The following ATP10B variants were observed in gnomAD, a reference collection of about 807,000 sequenced individuals.
The protein encoded by ATP10B is ATPase phospholipid transporting 10B (putative).
Under a neutral mutation model 141.2 loss-of-function variants are expected in ATP10B, and 122 were observed. The observed-to-expected ratio is 0.86, with a 90% CI of 0.75 to 1.00. The LOEUF (loss-of-function observed/expected upper bound fraction) is 1.00, where lower values mean the gene tolerates loss of function less well. Ranked by LOEUF, ATP10B falls within the 50% of genes least tolerant of loss-of-function variation. The pLI is 0.00. For synonymous variants in ATP10B, 685 were observed against 692.0 expected (o/e 0.99, Z 0.16); for missense variants, 1,876 against 1,825.3 (o/e 1.03, Z -0.51).
At chr5:160,758,459 T>G (rs1768795377) in intron 2 of ATP10B, among the ~76,000 whole-genome samples, 1 of 152,184 alleles carries the variant, frequency 6.6e-6, no homozygotes, top group Non-Finnish European at 1.5e-5. Context: ...TCAGAAGGCT[T>G]TCATCTCTGT....
the ATP10B span, among the ~76,000 whole-genome samples, chr5:160,898,695 C>T: frequency 3.3e-5 from 5 of 152,094 alleles, no homozygotes; most frequent in East Asian, 3.9e-4. Flanking sequence ...CACATGCACA[C>T]GTATATTTAT....
chr5:160,843,221 A>C (rs1775913879), intron 1 of ATP10B, among the ~76,000 whole-genome samples: 1 of 152,148 alleles, frequency 6.6e-6, no homozygotes, highest in South Asian at 2.1e-4. Context: ...TAAGTCATAT[A>C]ATCACTTCAA....
intron 1 of ATP10B, among the ~76,000 whole-genome samples, chr5:160,834,035 A>C (rs959921756): frequency 1.3e-5 from 2 of 152,034 alleles, no homozygotes; most frequent in Non-Finnish European, 1.5e-5. Flanking sequence ...TTAAAATCAT[A>C]ACCAAAAGGC....
chr5:160,873,826 C>T, the ATP10B span, among the ~76,000 whole-genome samples: 4 of 152,218 alleles, frequency 2.6e-5, no homozygotes, highest in African/African-American at 7.2e-5. Flanking sequence ...GCTTTTCAGA[C>T]CTGCTTAAAA....
At chr5:160,913,135 GATGA>G in the ATP10B span, among the ~76,000 whole-genome samples, 2 of 152,212 alleles carry the variant, frequency 1.3e-5, no homozygotes, top group Non-Finnish European at 2.9e-5. Flanking sequence ...TAGCTAAACA[GATGA>G]AAGAGCTCTT....
chr5:160,802,956 G>A (rs1772488917), intron 1 of ATP10B, among the ~76,000 whole-genome samples: 1 of 152,132 alleles, frequency 6.6e-6, no homozygotes, highest in Non-Finnish European at 1.5e-5. Context: ...GACAACATAA[G>A]GTTGTCAGCT....
intron 1 of ATP10B, among the ~76,000 whole-genome samples, chr5:160,815,145 T>C (rs1275489267): frequency 6.6e-6 from 1 of 152,148 alleles, no homozygotes; most frequent in African/African-American, 2.4e-5. Flanking sequence ...ATATTAACCT[T>C]AAATGTAAAT....
At chr5:160,746,802 C>G (rs1224824710) in intron 2 of ATP10B, among the ~76,000 whole-genome samples, 1 of 152,176 alleles carries the variant, frequency 6.6e-6, no homozygotes, top group East Asian at 1.9e-4. Context: ...TTACCATACT[C>G]TATTGGATGA....
Position 160,632,137 on chromosome 5 carries a change from T to TGCTGAAGGCC in ATP10B, c.1602_1611dup (p.Ser538GlyfsTer14). On this transcript the variant is annotated frameshift_variant, in exon 13 of 26. Transcript: ENST00000327245. LOFTEE classifies it high-confidence loss of function. Reference sequence around the variant, plus strand: ...CAAAAGTCAGGACTTACTATGGAGCTGCTGAAGGCCACAGGAGGCTGTGAG... The same window carrying TGCTGAAGGCC: ...CAAAAGTCAGGACTTACTATGGAGCTGCTGAAGGCCGCTGAAGGCCACAGGAGGCTGTGAG... The TGCTGAAGGCC allele has an allele frequency of 3.1e-6, 5 of 1,611,948 alleles. No homozygotes were observed. Among genetic ancestry groups the TGCTGAAGGCC allele is most frequent in the Non-Finnish European group, 4.2e-6 (5 of 1,178,224 alleles).
chr5:160,878,863 A>G, the ATP10B span, among the ~76,000 whole-genome samples: 3 of 149,098 alleles, frequency 2.0e-5, no homozygotes, highest in Admixed American at 6.7e-5. Flanking sequence ...TTAGAATGGC[A>G]ATCATTAAAA....
At chr5:160,915,336 CT>C in the ATP10B span, among the ~76,000 whole-genome samples, 207 of 144,842 alleles carry the variant, frequency 1.4e-3, no homozygotes, top group Admixed American at 1.4e-3. Context: ...AGCACACTGA[CT>C]TTTTTTTTTT....
intron 1 of ATP10B, among the ~76,000 whole-genome samples, chr5:160,808,086 A>G (rs1305698802): frequency 6.6e-6 from 1 of 152,224 alleles, no homozygotes; most frequent in Admixed American, 6.5e-5. Flanking sequence ...CTCAAAGTCA[A>G]TATGAACACC....
At chr5:160,891,418 C>A in the ATP10B span, among the ~76,000 whole-genome samples, 3 of 152,114 alleles carry the variant, frequency 2.0e-5, no homozygotes, top group Non-Finnish European at 4.4e-5. Flanking sequence ...TGCTTTTTAT[C>A]TAAAAACCAG....
chr5:160,863,773 G>A, the ATP10B span, among the ~76,000 whole-genome samples: 2 of 151,962 alleles, frequency 1.3e-5, no homozygotes, highest in South Asian at 4.1e-4. Context: ...CATTACAATT[G>A]GTATCACAGA....
At position 160,838,826 on chromosome 5, in the gene ATP10B, G is replaced by A. The variant is rs551428942; in HGVS notation, c.-576+13115C>T. On this transcript the variant is annotated intron_variant, in intron 1 of 25. Transcript: ENST00000327245. The stretch of plus-strand genomic sequence containing the variant: ...AATGTGATTCCCAGTGTTGGAGGTG[G>A]GACCTGGTGGAAGGTGATTGGATCA... 8.5e-4 allele frequency among the ~76,000 whole-genome samples: 130 copies of A among 152,258 alleles called. 3 individuals are homozygous for A. In the South Asian group the frequency reaches 0.01, roughly 12 times the overall value.
chr5:160,640,068 T>C (rs558997754), intron 10 of ATP10B, among the ~76,000 whole-genome samples: 99 of 152,354 alleles, frequency 6.5e-4, no homozygotes, highest in Non-Finnish European at 1.2e-3. Flanking sequence ...ACTCCTGCCT[T>C]AACCTACTGA....
intron 1 of ATP10B, among the ~76,000 whole-genome samples, chr5:160,814,924 G>C (rs367815391): frequency 4.8e-4 from 73 of 152,132 alleles, no homozygotes; most frequent in Non-Finnish European, 4.4e-4. Flanking sequence ...CCTTTACAGA[G>C]AAGCAAATGC....
chr5:160,877,470 G>A, the ATP10B span, among the ~76,000 whole-genome samples: 1 of 147,104 alleles, frequency 6.8e-6, no homozygotes, highest in Non-Finnish European at 1.5e-5. Flanking sequence ...TTTGAAAACT[G>A]GCACAAGACA....
intron 18 of ATP10B, among the ~76,000 whole-genome samples, chr5:160,608,399 T>C (rs1757522888): frequency 6.6e-6 from 1 of 152,244 alleles, no homozygotes; most frequent in Non-Finnish European, 1.5e-5. Flanking sequence ...TATATATGCA[T>C]ATGTCTTTAT....
Sources: allele counts gnomAD v4.1 joint callset (sites outside exome capture counted in the v4.1 genomes callset), GRCh38; gene constraint gnomAD v4.1.1; transcripts MANE v1.5; gene names NCBI Gene and HGNC (gene_info 2026-07-23, HGNC 2026-07-21).